DLGAP2: variants seen among roughly 807,000 people sequenced by gnomAD.
DLGAP2 encodes DLG associated protein 2, also known as disks large-associated protein 2.
DLGAP2 carries 26 observed loss-of-function variants against 100.3 expected under a neutral mutation model. That is an observed-to-expected ratio of 0.26 (90% CI 0.19 to 0.36). The LOEUF is 0.36. Among genes scored for constraint, DLGAP2 ranks in the 10% least tolerant of loss-of-function variants. DLGAP2 has a pLI of 1.00. For synonymous variants in DLGAP2, 886 were observed against 630.1 expected (o/e 1.41, Z -6.08); for missense variants, 1,858 against 1,453.2 (o/e 1.28, Z -4.53).
chr8:994,206 GTTT>G (rs889314306), intron 2 of DLGAP2, among the ~76,000 whole-genome samples: 2 of 152,080 alleles, frequency 1.3e-5, no homozygotes, highest in African/African-American at 4.8e-5. Context: ...GTTTTGTTTT[GTTT>G]TATTTTTTGA....
At chr8:1,655,543 C>T (rs1006396099) in intron 8 of DLGAP2, among the ~76,000 whole-genome samples, 5 of 152,230 alleles carry the variant, frequency 3.3e-5, no homozygotes, top group Admixed American at 3.3e-4. Context: ...TTGCAAATGA[C>T]TTTCAAGCAT....
chr8:937,366 G>A (rs571065029), intron 2 of DLGAP2, among the ~76,000 whole-genome samples: 3 of 152,116 alleles, frequency 2.0e-5, no homozygotes, highest in Non-Finnish European at 2.9e-5. Context: ...TTTTAAAATC[G>A]GATCTAATTG....
chr8:1,615,933 C>T (rs1300131647), intron 6 of DLGAP2, among the ~76,000 whole-genome samples: 2 of 151,958 alleles, frequency 1.3e-5, no homozygotes, highest in African/African-American at 2.4e-5. Flanking sequence ...TTAGAACTCA[C>T]CACAAAGATC....
At chr8:849,248 G>A (rs1797135023) in intron 1 of DLGAP2, among the ~76,000 whole-genome samples, 1 of 152,188 alleles carries the variant, frequency 6.6e-6, no homozygotes, top group Non-Finnish European at 1.5e-5. Flanking sequence ...AGGATCGCGT[G>A]GTGCACGTTG....
chr8:1,454,745 G>A (rs1451109403), intron 3 of DLGAP2, among the ~76,000 whole-genome samples: 2 of 152,194 alleles, frequency 1.3e-5, no homozygotes, highest in Non-Finnish European at 2.9e-5. Context: ...GTCATGAGCA[G>A]CATCCTAGTC....
chr8:1,384,401 G>C (rs1177044653), intron 3 of DLGAP2, among the ~76,000 whole-genome samples: 2 of 107,978 alleles, frequency 1.9e-5, no homozygotes, highest in South Asian at 6.7e-4. Context: ...CTGAGAACTT[G>C]GTGCTCAGTT....
chr8:1,440,514 CT>C (rs1449649520), intron 3 of DLGAP2, among the ~76,000 whole-genome samples: 3 of 152,212 alleles, frequency 2.0e-5, no homozygotes, highest in Admixed American at 2.0e-4. Flanking sequence ...CCCAGAGAGT[CT>C]GAGTGGAATC....
chr8:1,027,707 G>A (rs1186529081), intron 2 of DLGAP2, among the ~76,000 whole-genome samples: 1 of 142,986 alleles, frequency 7.0e-6, no homozygotes. Flanking sequence ...CTCCAGGTGG[G>A]GTGTCAGGCG....
At chr8:1,411,239 G>T (rs1796722063) in intron 3 of DLGAP2, among the ~76,000 whole-genome samples, 1 of 151,908 alleles carries the variant, frequency 6.6e-6, no homozygotes, top group African/African-American at 2.4e-5. Flanking sequence ...TATATATATT[G>T]TGTCTTTTAA....
At chr8:1,058,419 G>T (rs1466740410) in intron 2 of DLGAP2, among the ~76,000 whole-genome samples, 1 of 152,214 alleles carries the variant, frequency 6.6e-6, no homozygotes, top group African/African-American at 2.4e-5. Context: ...TGGGTTCAAA[G>T]TTTTGCATCG....
chr8:788,446 T>C (rs1821937710), intron 1 of DLGAP2, among the ~76,000 whole-genome samples: 1 of 152,188 alleles, frequency 6.6e-6, no homozygotes, highest in African/African-American at 2.4e-5. Flanking sequence ...GTCCACGTGG[T>C]CTGGTCAGCA....
chr8:1,326,065 C>T (rs1801014046), intron 3 of DLGAP2, among the ~76,000 whole-genome samples: 2 of 152,132 alleles, frequency 1.3e-5, no homozygotes, highest in South Asian at 2.1e-4. Context: ...GGAAAAATGG[C>T]CATAAGTGGA....
intron 2 of DLGAP2, among the ~76,000 whole-genome samples, chr8:986,438 G>A (rs938128997): frequency 6.6e-6 from 1 of 152,126 alleles, no homozygotes; most frequent in African/African-American, 2.4e-5. Flanking sequence ...AGACATTTTA[G>A]TATCTTACTT....
chr8:1,585,660 C>T (rs888505385), intron 6 of DLGAP2, among the ~76,000 whole-genome samples: 1 of 152,200 alleles, frequency 6.6e-6, no homozygotes, highest in African/African-American at 2.4e-5. Flanking sequence ...GGAGACATCC[C>T]TAGAGATGCG....
At chr8:1,134,142 C>T (rs978357335) in intron 2 of DLGAP2, among the ~76,000 whole-genome samples, 15 of 152,304 alleles carry the variant, frequency 9.8e-5, no homozygotes, top group African/African-American at 2.4e-4. Flanking sequence ...GCCTCCAGTT[C>T]CATCTGTGTT....
chr8:880,913 C>G (rs539410569), intron 1 of DLGAP2, among the ~76,000 whole-genome samples: 8 of 152,384 alleles, frequency 5.2e-5, no homozygotes, highest in South Asian at 2.1e-4. Flanking sequence ...GATCTCCACT[C>G]TGTTAATTTA....
At chr8:882,882 C>G (rs1797839268) in intron 1 of DLGAP2, among the ~76,000 whole-genome samples, 1 of 152,400 alleles carries the variant, frequency 6.6e-6, no homozygotes, top group Admixed American at 6.5e-5. Context: ...GCTGCTCACG[C>G]TGCGACGTTG....
chr8:1,692,447 A>T (rs1799276667), intron 13 of DLGAP2, among the ~76,000 whole-genome samples: 1 of 149,010 alleles, frequency 6.7e-6, no homozygotes, highest in African/African-American at 2.5e-5. Context: ...CGCGGTACCG[A>T]GGCAGGGAGG....
At chr8:780,268 T>G (rs750788558) in intron 1 of DLGAP2, among the ~76,000 whole-genome samples, 1 of 152,212 alleles carries the variant, frequency 6.6e-6, no homozygotes, top group Non-Finnish European at 1.5e-5. Flanking sequence ...CCTGGCTTTT[T>G]TCACTCAGCA....
Sources: allele counts gnomAD v4.1 joint callset (sites outside exome capture counted in the v4.1 genomes callset), GRCh38; gene constraint gnomAD v4.1.1; transcripts MANE v1.5; gene names NCBI Gene and HGNC (gene_info 2026-07-23, HGNC 2026-07-21).